Variants in MTCL3 observed in about 807,000 individuals in gnomAD.
The protein encoded by MTCL3 is microtubule cross-linking factor 3.
At chr6:127,486,110 A>C in the MTCL3 span, among the ~76,000 whole-genome samples, 1 of 152,172 alleles carries the variant, frequency 6.6e-6, no homozygotes, top group Non-Finnish European at 1.5e-5. Flanking sequence ...TCCTGTGGGC[A>C]ATGTTAAAAT....
the MTCL3 span, among the ~76,000 whole-genome samples, chr6:127,510,591 T>A: frequency 1.3e-5 from 2 of 152,214 alleles, no homozygotes; most frequent in Admixed American, 6.5e-5. Flanking sequence ...TTTTCAGGTA[T>A]CCACTTAAAA....
the MTCL3 span, chr6:127,516,014 C>T: frequency 1.3e-6 from 2 of 1,590,076 alleles, no homozygotes; most frequent in African/African-American, 2.7e-5. Context: ...TGAGCGCGTA[C>T]GCCTTTCCCT....
chr6:127,487,231 C>A, the MTCL3 span, among the ~76,000 whole-genome samples: 4 of 152,118 alleles, frequency 2.6e-5, no homozygotes, highest in Non-Finnish European at 4.4e-5. Context: ...GTTACTTCGA[C>A]AGAAAAAGGT....
At chr6:127,514,536 C>A in the MTCL3 span, among the ~76,000 whole-genome samples, 2 of 152,216 alleles carry the variant, frequency 1.3e-5, no homozygotes, top group Non-Finnish European at 2.9e-5. Flanking sequence ...TTGCTTCTGC[C>A]CAGAAGGGAG....
chr6:127,507,842 C>CAAAAAAA, the MTCL3 span, among the ~76,000 whole-genome samples: 10 of 82,076 alleles, frequency 1.2e-4, no homozygotes, highest in African/African-American at 2.9e-4. Flanking sequence ...GACTATGTCT[C>CAAAAAAA]AAAAAAAAAA....
chr6:127,473,423 A>G, the MTCL3 span: 1 of 1,440,376 alleles, frequency 6.9e-7, no homozygotes, highest in Non-Finnish European at 9.3e-7. Flanking sequence ...CAAAGAGAAG[A>G]GTTAATTAAT....
At chr6:127,511,986 G>A in the MTCL3 span, among the ~76,000 whole-genome samples, 8 of 152,254 alleles carry the variant, frequency 5.3e-5, no homozygotes, top group South Asian at 6.2e-4. Flanking sequence ...GAAATTTTTC[G>A]GAAGACAACT....
the MTCL3 span, among the ~76,000 whole-genome samples, chr6:127,514,048 T>C: frequency 6.6e-6 from 1 of 152,218 alleles, no homozygotes; most frequent in South Asian, 2.1e-4. Flanking sequence ...AATGAACGTA[T>C]ACTTATTTGG....
At chr6:127,506,656 C>T in the MTCL3 span, among the ~76,000 whole-genome samples, 1 of 152,026 alleles carries the variant, frequency 6.6e-6, no homozygotes, top group Non-Finnish European at 1.5e-5. Flanking sequence ...TCTTGGCTCA[C>T]TGCAAGCTCC....
the MTCL3 span, chr6:127,475,660 A>G: frequency 6.3e-7 from 1 of 1,592,536 alleles, no homozygotes; most frequent in Non-Finnish European, 8.5e-7. This position sits in a 1 kb window ranked among gnomAD's most constrained non-coding sequence, Gnocchi z 7.3. Flanking sequence ...GAGGCAGCGG[A>G]TGTTGCGCAC....
chr6:127,485,608 T>C, the MTCL3 span, among the ~76,000 whole-genome samples: 1 of 152,152 alleles, frequency 6.6e-6, no homozygotes, highest in Non-Finnish European at 1.5e-5. Context: ...GGAAAGTATG[T>C]TCTAGTTCTG....
chr6:127,476,506 A>G, the MTCL3 span: 3 of 1,472,776 alleles, frequency 2.0e-6, no homozygotes, highest in Non-Finnish European at 2.7e-6. The surrounding 1 kb of genome is among the most constrained non-coding windows in gnomAD (Gnocchi z 4.4). Flanking sequence ...ATAGGAGATC[A>G]TTTTTATGTA....
At chr6:127,503,600 G>A in the MTCL3 span, among the ~76,000 whole-genome samples, 2 of 152,188 alleles carry the variant, frequency 1.3e-5, no homozygotes, top group Non-Finnish European at 2.9e-5. Context: ...AGATGTCAGA[G>A]TTGTCTTCTT....
At chr6:127,493,799 C>A in the MTCL3 span, among the ~76,000 whole-genome samples, 1 of 152,300 alleles carries the variant, frequency 6.6e-6, no homozygotes, top group East Asian at 1.9e-4. Context: ...TAGCTGTGAT[C>A]ATGGTATTAT....
the MTCL3 span, chr6:127,473,114 T>C: frequency 8.5e-7 from 1 of 1,174,548 alleles, no homozygotes; most frequent in Non-Finnish European, 1.1e-6. Flanking sequence ...TCTTATTGAA[T>C]TTGGTCTTGG....
At chr6:127,482,976 T>G in the MTCL3 span, 1 of 1,607,540 alleles carries the variant, frequency 6.2e-7, no homozygotes. This position sits in a 1 kb window ranked among gnomAD's most constrained non-coding sequence, Gnocchi z 4.1. Context: ...CTCTTCTTTT[T>G]AAGGATAACT....
the MTCL3 span, among the ~76,000 whole-genome samples, chr6:127,499,094 T>C: frequency 3.5e-3 from 540 of 152,184 alleles, 2 homozygotes; most frequent in African/African-American, 0.012. Flanking sequence ...AAAAGTAAAA[T>C]GCATCAGGAT....
At chr6:127,517,154 A>G in the MTCL3 span, among the ~76,000 whole-genome samples, 1 of 152,208 alleles carries the variant, frequency 6.6e-6, no homozygotes, top group Non-Finnish European at 1.5e-5. Context: ...GAAAGTTTTC[A>G]TTTAATTAGT....
the MTCL3 span, among the ~76,000 whole-genome samples, chr6:127,498,374 C>T: frequency 2.0e-5 from 3 of 152,152 alleles, no homozygotes; most frequent in African/African-American, 7.2e-5. Context: ...ATGAAAACCA[C>T]AATGATGTAT....
Sources: allele counts gnomAD v4.1 joint callset (sites outside exome capture counted in the v4.1 genomes callset), GRCh38; gene constraint gnomAD v4.1.1; non-coding constraint Gnocchi (gnomAD v3.1); transcripts MANE v1.5; gene names NCBI Gene and HGNC (gene_info 2026-07-23, HGNC 2026-07-21).